The following MX2 variants were observed in gnomAD, a reference collection of about 807,000 sequenced individuals.
MX2 encodes the protein interferon-induced GTP-binding protein Mx2.
MX2 carries 51 observed loss-of-function variants against 74.0 expected under a neutral mutation model. That is an observed-to-expected ratio of 0.69 (90% CI 0.55 to 0.87). The LOEUF (loss-of-function observed/expected upper bound fraction) is 0.87, where lower values mean the gene tolerates loss of function less well. Ranked by LOEUF, MX2 falls within the 40% of genes least tolerant of loss-of-function variation. The pLI is 0.00. For missense variants in MX2, 832 were observed against 908.7 expected, an observed-to-expected ratio of 0.92 and a Z score of 1.09; for synonymous variants, 369 against 339.3, an observed-to-expected ratio of 1.09 and a Z score of -0.96.
At chr21:41,385,703 G>A (rs1779160300) in intron 5 of MX2, among the ~76,000 whole-genome samples, 1 of 152,098 alleles carries the variant, frequency 6.6e-6, no homozygotes, top group Admixed American at 6.5e-5. Context: ...ATATTGTGGT[G>A]CCTCAGGGAA....
At chr21:41,373,173 A>C (rs939839726) in intron 1 of MX2, among the ~76,000 whole-genome samples, 3 of 152,036 alleles carry the variant, frequency 2.0e-5, no homozygotes, top group South Asian at 2.1e-4. Flanking sequence ...GGGTGTCCAG[A>C]GCCTGGCACA....
At position 41,408,434 on chromosome 21, in the gene MX2, C is replaced by T. The variant is rs181272694; in HGVS notation, c.*201C>T. 1 of 671,354 alleles carries T rather than the reference C, an allele frequency of 1.5e-6. No individual in the cohort carries two copies. Among genetic ancestry groups the T allele is most frequent in the East Asian group, 2.8e-5 (1 of 35,798 alleles). The allele number at this position is 671,354 out of a possible 1,614,324, so 41.6% of individuals were successfully genotyped here. ...CTCCACCACCCAGCTCTTCCCTGAC[C>T]TTCACGAAGGGATGGCTCTCCAGTC... On this transcript the variant is annotated 3_prime_UTR_variant, in exon 14 of 14. Coordinates refer to ENST00000330714, the MANE Select transcript of MX2 (RefSeq NM_002463.2).
Position 41,380,288 on chromosome 21 carries a change from C to A in MX2, c.577+137C>A. 8.4e-7 allele frequency: 1 copy of A among 1,185,116 alleles called. No individual in the cohort carries two copies. Among genetic ancestry groups the A allele is most frequent in the Non-Finnish European group, 1.2e-6 (1 of 848,962 alleles). The allele number at this position is 1,185,116 out of a possible 1,614,324, so 73.4% of individuals were successfully genotyped here. A position where few individuals can be genotyped will look rare whatever the true frequency, so the allele number is the denominator to read the frequency against. Reference sequence around the variant, plus strand: ...CATGTGCTCCCACATGGGGCTGAACCCATTGCTGTCACCTCCACCATCCCT... The same window carrying A: ...CATGTGCTCCCACATGGGGCTGAACACATTGCTGTCACCTCCACCATCCCT... On this transcript the variant is annotated intron_variant, in intron 4 of 13. Coordinates refer to ENST00000330714, the MANE Select transcript of MX2 (RefSeq NM_002463.2). This position sits in a 1 kb window ranked among gnomAD's most constrained non-coding sequence, Gnocchi z 4.3.
At chr21:41,397,432 TCCTGGCCCACAGTTG>T (rs57826073) in intron 7 of MX2, among the ~76,000 whole-genome samples, 166 bp from the exon 8 acceptor site, 3,925 of 152,302 alleles carry the variant, frequency 0.026, 175 homozygotes, top group East Asian at 0.14. Flanking sequence ...GAAGGAAGCT[TCCTGGCCCACAGTTG>T]CCTGGGTGCA....
intron 1 of MX2, among the ~76,000 whole-genome samples, chr21:41,362,811 T>C (rs918657279): frequency 1.5e-5 from 2 of 135,992 alleles, no homozygotes; most frequent in Non-Finnish European, 3.0e-5. Flanking sequence ...CAGGCTGGAG[T>C]GCAGTGGCGT....
chr21:41,381,684 C>CAAAAAAAAA (rs57350601), intron 4 of MX2, among the ~76,000 whole-genome samples: 4 of 58,432 alleles, frequency 6.8e-5, no homozygotes, highest in Non-Finnish European at 1.1e-4. Flanking sequence ...GACTCTGTCT[C>CAAAAAAAAA]AAAAAAAAAA....
rs1467500372 is a variant in MX2, at chr21:41,382,499, A to G, written c.667A>G (p.Ile223Val). 2 of 1,614,238 alleles carry G rather than the reference A, an allele frequency of 1.2e-6. No homozygotes were observed. The highest frequency in any genetic ancestry group is 8.5e-7 in the Non-Finnish European group (1 of 1,180,054). ...ITSPEVPDLT[I>V]IDLPGITRVA... is the part of the protein sequence containing the mutation. The stretch of plus-strand genomic sequence containing the variant: ...CTCCCCTGAGGTTCCAGACCTGACC[A>G]TCATTGACCTTCCCGGCATCACCAG... Residue 223 changes from isoleucine (I) to valine (V), a missense_variant, in exon 5 of 14, where the codon ATC (isoleucine) becomes GTC (valine). Physicochemically the swap from Ile to Val is conservative, Grantham distance 29. Coordinates refer to ENST00000330714, the MANE Select transcript of MX2 (RefSeq NM_002463.2).
chr21:41,370,896 G>C (rs148568781), intron 1 of MX2, among the ~76,000 whole-genome samples: 1,077 of 152,278 alleles, frequency 7.1e-3, no homozygotes, highest in Non-Finnish European at 9.8e-3. Context: ...AATTCAGTAG[G>C]GGAATGCTCA....
At chr21:41,406,425 A>G (rs1473486145) in intron 12 of MX2, among the ~76,000 whole-genome samples, 1 of 152,200 alleles carries the variant, frequency 6.6e-6, no homozygotes, top group East Asian at 1.9e-4. Context: ...AATGACTGAC[A>G]CCGTCCCAAC....
chr21:41,371,177 A>G (rs577811525), intron 1 of MX2, among the ~76,000 whole-genome samples: 88 of 152,326 alleles, frequency 5.8e-4, no homozygotes, highest in Non-Finnish European at 1.1e-3. Flanking sequence ...AAGTTCAATC[A>G]TTATCTGGTC....
rs114744960 is a variant in MX2, at chr21:41,381,286, T to C, written c.578-1124T>C. Among the ~76,000 whole-genome samples the C allele has an allele frequency of 7.5e-3, 1,140 of 152,358 alleles. 6 individuals are homozygous for C. The highest frequency in any genetic ancestry group is 0.026 in the African/African-American group (1,068 of 41,590). ...CTTGCAATGTTCGTTGACATCTGTC[T>C]GGAGTCTCACCAGCTGTGAGCTCTG... On this transcript the variant is annotated intron_variant, in intron 4 of 13. Transcript: ENST00000330714.
At position 41,407,491 on chromosome 21, in the gene MX2, G is replaced by A. The variant is rs569736764; in HGVS notation, c.1905+493G>A. 6.0e-4 allele frequency among the ~76,000 whole-genome samples: 92 copies of A among 152,274 alleles called. 3 individuals are homozygous for A. In the Middle Eastern group the frequency reaches 0.027, roughly 45 times the overall value. On this transcript the variant is annotated intron_variant, in intron 13 of 13. Transcript: ENST00000330714. ...CTCTGACTGTCTATCCAATATGCAA[G>A]TATCACTGTTCCCAGGAAGAAAAAA...
intron 7 of MX2, 64 bp from the exon 8 acceptor site, chr21:41,397,549 G>A: frequency 6.7e-7 from 1 of 1,486,758 alleles, no homozygotes; most frequent in South Asian, 1.2e-5. Flanking sequence ...CACGCACAAA[G>A]TCCGGTACTA....
intron 1 of MX2, among the ~76,000 whole-genome samples, chr21:41,369,369 T>A (rs1044466613): frequency 2.0e-5 from 3 of 152,128 alleles, no homozygotes; most frequent in African/African-American, 7.2e-5. Flanking sequence ...TCCGCCCCTC[T>A]GAGGCTGCGC....
intron 5 of MX2, chr21:41,390,266 G>C (rs2089639238): frequency 5.7e-6 from 2 of 353,730 alleles, no homozygotes; most frequent in South Asian, 6.1e-5. Flanking sequence ...GATCTCCAAG[G>C]CATCTCGGGT....
chr21:41,390,802 G>A (rs1194598709), intron 6 of MX2, 99 bp downstream of exon 6: 21 of 1,343,054 alleles, frequency 1.6e-5, no homozygotes, highest in Non-Finnish European at 2.1e-5. Context: ...TCAGGAGATT[G>A]AGAACATCCT....
Position 41,382,563 on chromosome 21 carries a change from A to C in MX2, c.731A>C (p.Gln244Pro). Residue 244 changes from glutamine (Q) to proline (P), a missense_variant and splice_region_variant, in exon 5 of 14, where the codon CAG (glutamine) becomes CCG (proline). Physicochemically the swap from Gln to Pro is moderately conservative, Grantham distance 76 (BLOSUM62 -1). Transcript: ENST00000330714. Reference sequence around the variant, plus strand: ...AACCAGCCCCGAGACATCGGACTGCAGGTGAGCCCTTCTGGAATTTGGGAT... The same window carrying C: ...AACCAGCCCCGAGACATCGGACTGCCGGTGAGCCCTTCTGGAATTTGGGAT... ...VDNQPRDIGLQIKALIKKYIQ... is the reference protein window; with the variant it reads ...VDNQPRDIGLPIKALIKKYIQ... The C allele has an allele frequency of 6.2e-7, 1 of 1,614,156 alleles. No individual in the cohort carries two copies. The highest frequency in any genetic ancestry group is 8.5e-7 in the Non-Finnish European group (1 of 1,180,024).
chr21:41,377,706 C>A, intron 2 of MX2, 83 bp from the exon 3 acceptor site: 1 of 1,435,408 alleles, frequency 7.0e-7, no homozygotes, highest in Non-Finnish European at 9.5e-7. Context: ...ACATCATAGC[C>A]GCACAAACTC....
At chr21:41,370,022 C>G (rs1242064323) in intron 1 of MX2, among the ~76,000 whole-genome samples, 2 of 152,184 alleles carry the variant, frequency 1.3e-5, no homozygotes, top group Non-Finnish European at 2.9e-5. Context: ...TTGCTAGACT[C>G]GACGAGGGTA....
Sources: allele counts gnomAD v4.1 joint callset (sites outside exome capture counted in the v4.1 genomes callset), GRCh38; gene constraint gnomAD v4.1.1; non-coding constraint Gnocchi (gnomAD v3.1); transcripts MANE v1.5; gene names NCBI Gene and HGNC (gene_info 2026-07-23, HGNC 2026-07-21).